BACE2: variants seen among roughly 807,000 people sequenced by gnomAD.
BACE2 encodes the protein 56 kDa aspartic-like protease.
In BACE2, 17 loss-of-function variants were observed where a neutral mutation model predicts 46.2. That is an observed-to-expected ratio of 0.37 (90% CI 0.25 to 0.55). The LOEUF (loss-of-function observed/expected upper bound fraction) is 0.55. BACE2 is among the 20% of genes least tolerant of loss of function. The pLI, the probability that BACE2 is intolerant of heterozygous loss-of-function variation, is 0.82. For missense variants in BACE2, 595 were observed against 698.1 expected (o/e 0.85, Z 1.66); for synonymous variants, 277 against 295.9 (o/e 0.94, Z 0.66).
At chr21:41,257,123 T>G (rs781509361) in intron 7 of BACE2, 35 bp from the exon 8 acceptor site, 49 of 1,612,970 alleles carry the variant, frequency 3.0e-5, no homozygotes, top group Admixed American at 1.0e-4. Flanking sequence ...TTGTGCTTTT[T>G]CTTGTTTGTT....
At chr21:41,240,191 G>T (rs988742409) in intron 3 of BACE2, among the ~76,000 whole-genome samples, 1 of 152,186 alleles carries the variant, frequency 6.6e-6, no homozygotes, top group Non-Finnish European at 1.5e-5. Flanking sequence ...TGAGACAGGT[G>T]GGCTGAGCGC....
At chr21:41,188,705 G>A (rs1462234729) in intron 1 of BACE2, among the ~76,000 whole-genome samples, 1 of 152,200 alleles carries the variant, frequency 6.6e-6, no homozygotes, top group Admixed American at 6.5e-5. Context: ...TCTTACATAA[G>A]GAACAATAGA....
chr21:41,227,293 C>T (rs1986847960), intron 2 of BACE2, among the ~76,000 whole-genome samples: 1 of 152,212 alleles, frequency 6.6e-6, no homozygotes, highest in Admixed American at 6.5e-5. Context: ...CATGAACCTT[C>T]TAGAGGCTCG....
chr21:41,275,629 C>A lies in BACE2; in HGVS notation c.*5C>A, dbSNP rs750239443. On this transcript the variant is annotated 3_prime_UTR_variant, in exon 9 of 9. Coordinates refer to ENST00000330333, the MANE Select transcript of BACE2 (RefSeq NM_012105.5). ...GTCAGACATCGCTGGAAATGAATAG[C>A]CAGGCCTGACCTCAAGCAACCATGA... 6 of 1,612,748 alleles carry A rather than the reference C, an allele frequency of 3.7e-6. No homozygotes were observed. Among genetic ancestry groups the A allele is most frequent in the Non-Finnish European group, 3.4e-6 (4 of 1,179,310 alleles).
rs541996483 is a variant in BACE2 at position 41,224,544 on chromosome 21, T to C, written c.313-1722T>C. 2.4e-4 allele frequency among the ~76,000 whole-genome samples: 36 copies of C among 152,362 alleles called. 1 individual carries two copies. In the South Asian group the frequency reaches 7.5e-3, roughly 32 times the overall value. ...AAACCTGTTTTTCAACCTTTTGGGC[T>C]ATATCTACGTGGTCTGTGTTTATTT... On this transcript the variant is annotated intron_variant, in intron 1 of 8. Coordinates refer to ENST00000330333, the MANE Select transcript of BACE2 (RefSeq NM_012105.5).
intron 8 of BACE2, among the ~76,000 whole-genome samples, chr21:41,275,143 C>T (rs1020433417): frequency 3.3e-5 from 5 of 152,280 alleles, no homozygotes; most frequent in East Asian, 1.9e-4. Flanking sequence ...CACCTAGGCT[C>T]GGTACCCACA....
intron 1 of BACE2, among the ~76,000 whole-genome samples, chr21:41,212,255 T>C (rs1986323252): frequency 6.6e-6 from 1 of 152,192 alleles, no homozygotes; most frequent in African/African-American, 2.4e-5. Context: ...TCTCCTTACA[T>C]GGCAAAAGGG....
chr21:41,224,193 A>C (rs1250047710), intron 1 of BACE2, among the ~76,000 whole-genome samples: 1 of 150,476 alleles, frequency 6.6e-6, no homozygotes, highest in Non-Finnish European at 1.5e-5. Flanking sequence ...TCCTAGGCAA[A>C]AACTTGCCTA....
intron 1 of BACE2, among the ~76,000 whole-genome samples, chr21:41,203,222 C>T (rs28403075): frequency 6.6e-6 from 1 of 152,002 alleles, no homozygotes; most frequent in Non-Finnish European, 1.5e-5. Flanking sequence ...CATTACCACA[C>T]GGGCAAAGGA....
At chr21:41,258,042 A>G (rs1314142014) in intron 8 of BACE2, among the ~76,000 whole-genome samples, 1 of 152,232 alleles carries the variant, frequency 6.6e-6, no homozygotes, top group East Asian at 1.9e-4. Context: ...AAATCACAGA[A>G]GTGGGCATGA....
chr21:41,263,511 G>A (rs922950811), intron 8 of BACE2, among the ~76,000 whole-genome samples: 2 of 152,192 alleles, frequency 1.3e-5, no homozygotes, highest in African/African-American at 4.8e-5. Flanking sequence ...TTTTCTTTCT[G>A]CTGAAGAGTG....
chr21:41,271,349 G>A (rs1481358918), intron 8 of BACE2, among the ~76,000 whole-genome samples: 1 of 152,070 alleles, frequency 6.6e-6, no homozygotes, highest in African/African-American at 2.4e-5. Flanking sequence ...TGGCCTGTGA[G>A]GTAAGAATAG....
At chr21:41,267,123 C>T (rs113693900) in intron 8 of BACE2, among the ~76,000 whole-genome samples, 2,622 of 152,232 alleles carry the variant, frequency 0.017, 83 homozygotes, top group African/African-American at 0.06. Context: ...CCTTTTCCAG[C>T]GAAGGCACAG....
At chr21:41,233,082 A>G (rs1005631873) in intron 2 of BACE2, among the ~76,000 whole-genome samples, 1 of 152,182 alleles carries the variant, frequency 6.6e-6, no homozygotes, top group Admixed American at 6.5e-5. Flanking sequence ...GTTAGCCAGG[A>G]TAGTCTCGAT....
At chr21:41,259,247 T>C (rs765520136) in intron 8 of BACE2, among the ~76,000 whole-genome samples, 4 of 152,216 alleles carry the variant, frequency 2.6e-5, no homozygotes, top group Non-Finnish European at 5.9e-5. Context: ...TTTTGTTCCT[T>C]TTTTAAAAAT....
intron 8 of BACE2, among the ~76,000 whole-genome samples, chr21:41,265,350 AT>A (rs1988042200): frequency 2.0e-5 from 3 of 152,206 alleles, no homozygotes; most frequent in Admixed American, 6.5e-5. Flanking sequence ...TCTAGGTTAA[AT>A]TATTAGAATT....
In BACE2 at chr21:41,168,278, C is replaced by T. The variant is rs1184480905; in HGVS notation, c.15C>T (p.Ala5=). The change falls in exon 1 of 9, where the codon GCC becomes GCT. Residue 5 remains alanine (A), a synonymous_variant. Coordinates refer to ENST00000330333, the MANE Select transcript of BACE2 (RefSeq NM_012105.5). MGAL[A]RALLLPLLAQ... ...CCGCCGTGGGCATGGGCGCACTGGCCCGGGCGCTGCTGCTGCCTCTGCTGG... is the reference window on the plus strand; with the variant it reads ...CCGCCGTGGGCATGGGCGCACTGGCTCGGGCGCTGCTGCTGCCTCTGCTGG... The T allele has an allele frequency of 7.3e-6, 9 of 1,232,868 alleles. No homozygotes were observed. Among genetic ancestry groups the T allele is most frequent in the Non-Finnish European group, 9.1e-6 (9 of 989,856 alleles). 76.4% of individuals were successfully genotyped at this position (1,232,868 alleles called of 1,614,324 possible).
At chr21:41,173,449 T>G (rs1468262707) in intron 1 of BACE2, among the ~76,000 whole-genome samples, 1 of 152,120 alleles carries the variant, frequency 6.6e-6, no homozygotes, top group African/African-American at 2.4e-5. Context: ...GCTTGAAAAT[T>G]TAAAATGTCA....
At chr21:41,220,542 A>G (rs1986611108) in intron 1 of BACE2, among the ~76,000 whole-genome samples, 1 of 152,144 alleles carries the variant, frequency 6.6e-6, no homozygotes, top group Admixed American at 6.5e-5. Context: ...TATGCCAGGA[A>G]ATGGGGATGA....
Sources: allele counts gnomAD v4.1 joint callset (sites outside exome capture counted in the v4.1 genomes callset), GRCh38; gene constraint gnomAD v4.1.1; transcripts MANE v1.5; gene names NCBI Gene and HGNC (gene_info 2026-07-23, HGNC 2026-07-21).